Variants in RPH3A observed in about 807,000 individuals in gnomAD.
The protein encoded by RPH3A is rabphilin 3A, also known as rabphilin-3A.
RPH3A carries 48 observed loss-of-function variants against 102.2 expected under a neutral mutation model. That is an observed-to-expected ratio of 0.47 (90% CI 0.37 to 0.60). The LOEUF is 0.60. Among genes scored for constraint, RPH3A ranks in the 20% least tolerant of loss-of-function variants. The probability of loss-of-function intolerance (pLI) is 0.00; values close to 1 mark genes in which losing one functional copy is unlikely to be tolerated. For synonymous variants in RPH3A, 310 were observed against 324.3 expected (o/e 0.96, Z 0.47); for missense variants, 781 against 910.1 (o/e 0.86, Z 1.83).
At chr12:112,580,553 G>T (rs571732541) in intron 1 of RPH3A, among the ~76,000 whole-genome samples, 3 of 151,758 alleles carry the variant, frequency 2.0e-5, no homozygotes, top group Non-Finnish European at 4.4e-5. Context: ...ACCGGCGCCC[G>T]CCACCACGCC....
chr12:112,882,292 A>ACC, intron 15 of RPH3A, among the ~76,000 whole-genome samples: 1 of 151,302 alleles, frequency 6.6e-6, no homozygotes, highest in Non-Finnish European at 1.5e-5. Context: ...TGGCCCTCCC[A>ACC]CCCTTCTCTC....
intron 1 of RPH3A, among the ~76,000 whole-genome samples, chr12:112,667,666 GA>G: frequency 1.3e-4 from 1 of 7,656 alleles, no homozygotes; most frequent in Admixed American, 2.1e-3. Context: ...TGAATAAAGA[GA>G]GAGAGAGAGA....
At chr12:112,858,330 G>C (rs1018441944) in intron 5 of RPH3A, among the ~76,000 whole-genome samples, 1 of 151,316 alleles carries the variant, frequency 6.6e-6, no homozygotes, top group East Asian at 1.9e-4. Flanking sequence ...AGGCGGGCGG[G>C]GGTGAAGTTG....
At chr12:112,747,416 G>T (rs549703352) in intron 1 of RPH3A, among the ~76,000 whole-genome samples, 1 of 152,182 alleles carries the variant, frequency 6.6e-6, no homozygotes, top group Non-Finnish European at 1.5e-5. Flanking sequence ...GGACTTTCCA[G>T]CCTCCAGAAC....
chr12:112,686,652 C>A lies in RPH3A; in HGVS notation c.-139-105491C>A, dbSNP rs1190156756. ...GAGGCCATCCAGGACCAGCCAGCCA[C>A]CAGCCAATTCCCCAGCCTACTGCAG... On this transcript the variant is annotated intron_variant, in intron 1 of 21. Transcript: ENST00000543106. Among the ~76,000 whole-genome samples, 3 of 152,186 alleles carry A rather than the reference C, an allele frequency of 2.0e-5. No individual in the cohort carries two copies. In the South Asian group the frequency reaches 6.2e-4, roughly 32 times the overall value.
intron 1 of RPH3A, among the ~76,000 whole-genome samples, chr12:112,613,863 G>A (rs568170094): frequency 2.6e-5 from 4 of 152,318 alleles, no homozygotes; most frequent in South Asian, 2.1e-4. Flanking sequence ...AGGATTGCTT[G>A]AGCCCAGGAG....
intron 2 of RPH3A, among the ~76,000 whole-genome samples, chr12:112,822,835 G>A (rs1353116994): frequency 6.6e-6 from 1 of 152,230 alleles, no homozygotes; most frequent in African/African-American, 2.4e-5. Flanking sequence ...AACTTGAAAG[G>A]TGCTTAGCAT....
At chr12:112,619,470 A>G (rs1285381404) in intron 1 of RPH3A, among the ~76,000 whole-genome samples, 1 of 151,986 alleles carries the variant, frequency 6.6e-6, no homozygotes, top group Non-Finnish European at 1.5e-5. Flanking sequence ...TTTAGTAGAG[A>G]TGGGGTTTCA....
At chr12:112,800,843 A>G (rs1317969634) in intron 2 of RPH3A, among the ~76,000 whole-genome samples, 3 of 152,158 alleles carry the variant, frequency 2.0e-5, no homozygotes, top group South Asian at 2.1e-4. Context: ...CCAAGGGCCA[A>G]TGGGTTAAGA....
intron 5 of RPH3A, among the ~76,000 whole-genome samples, chr12:112,860,214 G>T (rs908618216): frequency 6.6e-6 from 1 of 152,218 alleles, no homozygotes; most frequent in African/African-American, 2.4e-5. Context: ...CATTTGAGCT[G>T]CAGGCAGGCT....
upstream of RPH3A, among the ~76,000 whole-genome samples, chr12:112,787,870 A>G (rs761349246): frequency 6.6e-6 from 1 of 152,176 alleles, no homozygotes; most frequent in Non-Finnish European, 1.5e-5. Context: ...CTTTGGGGTG[A>G]TGGAAAGTCT....
At chr12:112,819,089 T>G (rs1272469459) in intron 2 of RPH3A, among the ~76,000 whole-genome samples, 1 of 151,948 alleles carries the variant, frequency 6.6e-6, no homozygotes, top group Non-Finnish European at 1.5e-5. Flanking sequence ...ATATTTGAGA[T>G]ATATATATGT....
At chr12:112,772,040 A>G (rs1295306876) in intron 1 of RPH3A, among the ~76,000 whole-genome samples, 1 of 152,236 alleles carries the variant, frequency 6.6e-6, no homozygotes, top group Non-Finnish European at 1.5e-5. Context: ...CCCTACAATG[A>G]TGACAGCTAC....
chr12:112,828,213 A>G, intron 2 of RPH3A, 88 bp from the exon 3 acceptor site: 1 of 871,528 alleles, frequency 1.1e-6, no homozygotes, highest in Non-Finnish European at 1.9e-6. Flanking sequence ...TCTCTATCCC[A>G]CTGGGTGTGT....
chr12:112,646,855 T>C (rs935459603), intron 1 of RPH3A, among the ~76,000 whole-genome samples: 1 of 152,170 alleles, frequency 6.6e-6, no homozygotes, highest in Admixed American at 6.5e-5. Context: ...AGTCCCCAAC[T>C]CACAGAGTTG....
chr12:112,628,484 C>A (rs1436684838), intron 1 of RPH3A, among the ~76,000 whole-genome samples: 1 of 139,128 alleles, frequency 7.2e-6, no homozygotes, highest in Non-Finnish European at 1.5e-5. Context: ...AATCACAGCA[C>A]TTTGGGAAGC....
chr12:112,659,099 G>A (rs938908046), intron 1 of RPH3A, among the ~76,000 whole-genome samples: 3 of 152,166 alleles, frequency 2.0e-5, no homozygotes, highest in Non-Finnish European at 4.4e-5. Flanking sequence ...TCACTTGAGA[G>A]TAAATTGCTA....
chr12:112,677,079 T>C (rs2040180630), intron 1 of RPH3A, among the ~76,000 whole-genome samples: 1 of 152,166 alleles, frequency 6.6e-6, no homozygotes, highest in Admixed American at 6.5e-5. Flanking sequence ...TGTAAAAAGA[T>C]AGTTCCTCTC....
chr12:112,713,260 T>G (rs1286881193), intron 1 of RPH3A, among the ~76,000 whole-genome samples: 1 of 151,876 alleles, frequency 6.6e-6, no homozygotes. Context: ...ACCTACTGCA[T>G]ATAGCCTATT....
Sources: allele counts gnomAD v4.1 joint callset (sites outside exome capture counted in the v4.1 genomes callset), GRCh38; gene constraint gnomAD v4.1.1; transcripts MANE v1.5; gene names NCBI Gene and HGNC (gene_info 2026-07-23, HGNC 2026-07-21).